Variants in TRIM24 observed in about 807,000 individuals in gnomAD.
TRIM24 encodes transcription intermediary factor 1-alpha.
In TRIM24, 29 loss-of-function variants were observed where a neutral mutation model predicts 123.9. That is an observed-to-expected ratio of 0.23 (90% CI 0.17 to 0.32). The LOEUF is 0.32. Ranked by LOEUF, TRIM24 falls within the 10% of genes least tolerant of loss-of-function variation. TRIM24 has a pLI of 1.00. For synonymous variants in TRIM24, 456 were observed against 461.1 expected (o/e 0.99, Z 0.14); for missense variants, 932 against 1,295.3 (o/e 0.72, Z 4.31).
At chr7:138,531,728 T>A (rs1170354464) in intron 6 of TRIM24, among the ~76,000 whole-genome samples, 3 of 152,236 alleles carry the variant, frequency 2.0e-5, no homozygotes, top group African/African-American at 7.2e-5. Flanking sequence ...TTTGGGTATA[T>A]ACCCAGTAAT....
At position 138,555,776 on chromosome 7, in the gene TRIM24, C is replaced by T. The variant is rs140123523; in HGVS notation, c.1530+810C>T. ...GGATTACAGGCATGACCCACTGTGC[C>T]CAGCCCCTAATTTTATTTTTTAAGT... On this transcript the variant is annotated intron_variant, in intron 9 of 18. Transcript: ENST00000343526. Among the ~76,000 whole-genome samples, 599 of 152,178 alleles carry T rather than the reference C, an allele frequency of 3.9e-3. 1 individual carries two copies. The highest frequency in any genetic ancestry group is 6.1e-3 in the Non-Finnish European group (412 of 68,002).
chr7:138,578,563 T>TGTGTGTGTGTGTGTGCGCGCGC (rs145011901), intron 14 of TRIM24, among the ~76,000 whole-genome samples: 7 of 144,990 alleles, frequency 4.8e-5, no homozygotes, highest in African/African-American at 1.8e-4. Flanking sequence ...TGTGTGTGTG[T>TGTGTGTGTGTGTGTGCGCGCGC]GCGCGCACGC....
Position 138,538,818 on chromosome 7 carries a change from G to T in TRIM24, c.1143+15G>T, listed in dbSNP as rs1160234160. ...GCAAACGACTGGTAAGATAAAGTAT[G>T]CTATTTAATATACTGTAAAAATGCA... On this transcript the variant is annotated intron_variant, in intron 7 of 18. Coordinates refer to ENST00000343526, the MANE Select transcript of TRIM24 (RefSeq NM_015905.3). 1.2e-6 allele frequency: 2 copies of T among 1,611,796 alleles called. No homozygotes were observed. Among genetic ancestry groups the T allele is most frequent in the African/African-American group, 2.7e-5 (2 of 74,896 alleles).
chr7:138,538,611 A>T (rs758747544), intron 6 of TRIM24, 46 bp from the exon 7 acceptor site: 2 of 1,598,574 alleles, frequency 1.3e-6, no homozygotes, highest in Non-Finnish European at 1.7e-6. Flanking sequence ...ATCAAAGTCT[A>T]TGTTACATGC....
chr7:138,463,989 C>CTTTTTTTATTTTTTTTTTTTTT (rs1795072781), intron 1 of TRIM24, among the ~76,000 whole-genome samples: 1 of 50,766 alleles, frequency 2.0e-5, no homozygotes, highest in Non-Finnish European at 3.6e-5. Flanking sequence ...AAAATTTAGA[C>CTTTTTTTATTTTTTTTTTTTTT]TTTTTTTTTT....
intron 1 of TRIM24, among the ~76,000 whole-genome samples, chr7:138,467,533 G>A (rs1456732735): frequency 6.6e-6 from 1 of 152,114 alleles, no homozygotes; most frequent in Non-Finnish European, 1.5e-5. Context: ...AGTAGAGACG[G>A]GGTTTCACCA....
chr7:138,575,236 T>G (rs1475960715), intron 12 of TRIM24, among the ~76,000 whole-genome samples: 1 of 152,210 alleles, frequency 6.6e-6, no homozygotes, highest in Non-Finnish European at 1.5e-5. Flanking sequence ...GTTATATATT[T>G]TTATAGTTTT....
At chr7:138,505,785 A>T (rs141019948) in intron 2 of TRIM24, among the ~76,000 whole-genome samples, 2 of 152,290 alleles carry the variant, frequency 1.3e-5, no homozygotes, top group East Asian at 3.9e-4. Flanking sequence ...TAATTTCTAT[A>T]ACCCACATGT....
intron 10 of TRIM24, among the ~76,000 whole-genome samples, chr7:138,568,935 A>G (rs1797595551): frequency 6.6e-6 from 1 of 152,204 alleles, no homozygotes; most frequent in Non-Finnish European, 1.5e-5. Context: ...GTGTCTATAC[A>G]TATCTTCGTA....
At chr7:138,485,629 A>G (rs1795628616) in intron 1 of TRIM24, among the ~76,000 whole-genome samples, 1 of 151,986 alleles carries the variant, frequency 6.6e-6, no homozygotes, top group Admixed American at 6.6e-5. Flanking sequence ...GCTCAGAATG[A>G]TGGTTTCCAG....
At chr7:138,488,200 C>A (rs1159703731) in intron 1 of TRIM24, among the ~76,000 whole-genome samples, 2 of 151,626 alleles carry the variant, frequency 1.3e-5, no homozygotes, top group Non-Finnish European at 2.9e-5. Flanking sequence ...TCCCCTTTGT[C>A]ATTTTTTATT....
At chr7:138,531,228 ATACATGTTACACGT>A (rs1217211944) in intron 6 of TRIM24, among the ~76,000 whole-genome samples, 1 of 146,918 alleles carries the variant, frequency 6.8e-6, no homozygotes, top group Non-Finnish European at 1.5e-5. Flanking sequence ...TTACATACGT[ATACATGTTACACGT>A]TACATGTTAC....
chr7:138,492,273 CAAA>C (rs34380067), intron 1 of TRIM24, among the ~76,000 whole-genome samples: 27 of 60,000 alleles, frequency 4.5e-4, no homozygotes, highest in African/African-American at 1.7e-3. Flanking sequence ...ACTCTGTCTC[CAAA>C]AAAAAAAAAA....
chr7:138,461,055 C>T, intron 1 of TRIM24, 143 bp downstream of exon 1: 1 of 908,496 alleles, frequency 1.1e-6, no homozygotes. Context: ...TCTGTGCTGG[C>T]GACGGTGACA....
At chr7:138,561,432 T>G (rs1460298930) in intron 9 of TRIM24, among the ~76,000 whole-genome samples, 1 of 152,208 alleles carries the variant, frequency 6.6e-6, no homozygotes. Context: ...TTAGGGTATT[T>G]ATGTGAGGAT....
chr7:138,585,116 C>A lies in TRIM24; in HGVS notation c.*165C>A, dbSNP rs1797986473. 3 of 461,040 alleles carry A rather than the reference C, an allele frequency of 6.5e-6. No homozygotes were observed. The highest frequency in any genetic ancestry group is 1.1e-5 in the Non-Finnish European group (3 of 268,768). The allele number at this position is 461,040 out of a possible 1,614,324, so 28.6% of individuals were successfully genotyped here. A position where few individuals can be genotyped will look rare whatever the true frequency, so the allele number is the denominator to read the frequency against. ...TTCCTTAATAGCCCATTTCTGTTAA[C>A]CTCTTATCACTAAGAAAGAAAGGAA... On this transcript the variant is annotated 3_prime_UTR_variant, in exon 19 of 19. Transcript: ENST00000343526.
Position 138,508,662 on chromosome 7 carries a change from A to AGTGTGT in TRIM24, c.483+4280_483+4285dup, listed in dbSNP as rs781643258. ...TTCTTCAGAGGTGACTAATAAGAGGAGTGTGTGTGTGTGTGTGTGTGTGTG... is the reference window on the plus strand; with the variant it reads ...TTCTTCAGAGGTGACTAATAAGAGGAGTGTGTGTGTGTGTGTGTGTGTGTGTGTGTG... On this transcript the variant is annotated intron_variant, in intron 2 of 18. Coordinates refer to ENST00000343526, the MANE Select transcript of TRIM24 (RefSeq NM_015905.3). Among the ~76,000 whole-genome samples, 991 of 112,866 alleles carry AGTGTGT rather than the reference A, an allele frequency of 8.8e-3. 14 individuals carry two copies. Among genetic ancestry groups the AGTGTGT allele is most frequent in the African/African-American group, 0.022 (741 of 33,928 alleles). 74.0% of individuals were successfully genotyped at this position (112,866 alleles called of 152,430 possible). A position where few individuals can be genotyped will look rare whatever the true frequency, so the allele number is the denominator to read the frequency against.
At chr7:138,497,283 G>C (rs1342251151) in intron 1 of TRIM24, among the ~76,000 whole-genome samples, 2 of 151,798 alleles carry the variant, frequency 1.3e-5, no homozygotes, top group Non-Finnish European at 2.9e-5. Flanking sequence ...CCCCAGGCTG[G>C]TCTTGAAATC....
intron 1 of TRIM24, among the ~76,000 whole-genome samples, chr7:138,483,697 G>C (rs1795581789): frequency 2.0e-5 from 3 of 152,174 alleles, no homozygotes; most frequent in African/African-American, 4.8e-5. Context: ...ACATTGCCAG[G>C]CAGGGCCACA....
Sources: allele counts gnomAD v4.1 joint callset (sites outside exome capture counted in the v4.1 genomes callset), GRCh38; gene constraint gnomAD v4.1.1; transcripts MANE v1.5; gene names NCBI Gene and HGNC (gene_info 2026-07-23, HGNC 2026-07-21).